Variants in BCAS3 observed in about 807,000 individuals in gnomAD.
BCAS3 encodes BCAS4/BCAS3 fusion.
In BCAS3, 53 loss-of-function variants were observed where a neutral mutation model predicts 116.1. The observed-to-expected ratio is 0.46, with a 90% CI of 0.37 to 0.57. The LOEUF is 0.57. Ranked by LOEUF, BCAS3 falls within the 20% of genes least tolerant of loss-of-function variation. BCAS3 has a pLI of 0.00. For missense variants in BCAS3, 917 were observed against 1,165.4 expected (o/e 0.79, Z 3.10); for synonymous variants, 391 against 408.2 (o/e 0.96, Z 0.51).
At chr17:61,312,907 T>TA (rs1453899050) in intron 22 of BCAS3, among the ~76,000 whole-genome samples, 1 of 152,244 alleles carries the variant, frequency 6.6e-6, no homozygotes, top group East Asian at 1.9e-4. Context: ...TAAGTGGGCA[T>TA]AACCGAAGAC....
chr17:61,340,341 G>A (rs2057050140), intron 22 of BCAS3, among the ~76,000 whole-genome samples: 1 of 147,938 alleles, frequency 6.8e-6, no homozygotes, highest in African/African-American at 2.5e-5. Flanking sequence ...CAGGGGGTGG[G>A]TGGATTCCAG....
chr17:61,091,405 T>C (rs1223234675), intron 22 of BCAS3, among the ~76,000 whole-genome samples: 1 of 152,146 alleles, frequency 6.6e-6, no homozygotes, highest in Non-Finnish European at 1.5e-5. Context: ...GGGGACAGAG[T>C]TGGGGGCACT....
chr17:60,976,055 G>A (rs1488235410), intron 14 of BCAS3, among the ~76,000 whole-genome samples: 19 of 105,376 alleles, frequency 1.8e-4, no homozygotes, highest in Non-Finnish European at 1.8e-5. Context: ...TTGAGATGGA[G>A]TCTTGCTCTG....
chr17:60,749,118 C>T (rs1359484825), intron 6 of BCAS3: 1 of 152,084 alleles, frequency 6.6e-6, no homozygotes, highest in Non-Finnish European at 1.5e-5. Flanking sequence ...AAGAGTAATA[C>T]CCACTTTTCT....
chr17:61,115,225 A>C (rs1487243931), intron 22 of BCAS3, among the ~76,000 whole-genome samples: 1 of 152,126 alleles, frequency 6.6e-6, no homozygotes, highest in African/African-American at 2.4e-5. Flanking sequence ...GCAACAAAAG[A>C]CAAAATTGAC....
At chr17:60,898,955 G>A (rs2057695277) in intron 10 of BCAS3, among the ~76,000 whole-genome samples, 1 of 152,102 alleles carries the variant, frequency 6.6e-6, no homozygotes, top group African/African-American at 2.4e-5. Flanking sequence ...AGACCCCCTG[G>A]AGGAGTGCTT....
In BCAS3 at chr17:61,007,366, C is replaced by T. The variant is rs2064788915; in HGVS notation, c.1487-8385C>T. On this transcript the variant is annotated intron_variant, in intron 15 of 23. Coordinates refer to ENST00000407086, the MANE Select transcript of BCAS3 (RefSeq NM_017679.5). This position sits in a 1 kb window ranked among gnomAD's most constrained non-coding sequence, Gnocchi z 4.3. ...AGAATTTTAGCAACAGGAATTATTT[C>T]TTTATGACTTTTAATTTTTAGGCAT... is the stretch of plus-strand genomic sequence containing the variant. Among the ~76,000 whole-genome samples the T allele has an allele frequency of 6.6e-6, 1 of 151,848 alleles. No homozygotes were observed.
At chr17:61,172,872 C>CA (rs993844542) in intron 22 of BCAS3, among the ~76,000 whole-genome samples, 1 of 148,606 alleles carries the variant, frequency 6.7e-6, no homozygotes, top group African/African-American at 2.5e-5. Context: ...CCTGTAGTCC[C>CA]AGCTACTTGG....
At position 61,084,400 on chromosome 17, in the gene BCAS3, G is replaced by A; in HGVS notation, c.2328-67G>A. On this transcript the variant is annotated intron_variant, in intron 21 of 23. Transcript: ENST00000407086. The surrounding 1 kb of genome is among the most constrained non-coding windows in gnomAD (Gnocchi z 5.5). ...GCTACTCCAGCATTCCTGATTTAAG[G>A]TCATTTGTAGCAAGTGACAGTTTTG... is the stretch of plus-strand genomic sequence containing the variant. The A allele has an allele frequency of 7.7e-7, 1 of 1,300,126 alleles. No homozygotes were observed. The highest frequency in any genetic ancestry group is 2.3e-5 in the East Asian group (1 of 42,814). The allele number at this position is 1,300,126 out of a possible 1,614,324, so 80.5% of individuals were successfully genotyped here. A position where few individuals can be genotyped will look rare whatever the true frequency, so the allele number is the denominator to read the frequency against.
intron 7 of BCAS3, among the ~76,000 whole-genome samples, chr17:60,860,471 C>A (rs1386257473): frequency 1.3e-5 from 2 of 152,128 alleles, no homozygotes; most frequent in East Asian, 3.8e-4. Context: ...TGTGCTGAAG[C>A]TCTTTAATTA....
intron 19 of BCAS3, among the ~76,000 whole-genome samples, chr17:61,072,306 T>A (rs887626370): frequency 1.3e-5 from 2 of 152,128 alleles, no homozygotes; most frequent in African/African-American, 4.8e-5. Flanking sequence ...ATAACAATGA[T>A]CAACTAATGA....
intron 22 of BCAS3, among the ~76,000 whole-genome samples, chr17:61,236,097 A>T (rs2083036288): frequency 6.6e-6 from 1 of 152,038 alleles, no homozygotes; most frequent in Admixed American, 6.6e-5. Flanking sequence ...AAAACCAGAG[A>T]TTTTTATCTC....
chr17:61,092,228 A>G (rs778941378), intron 22 of BCAS3, among the ~76,000 whole-genome samples: 1 of 152,200 alleles, frequency 6.6e-6, no homozygotes, highest in Non-Finnish European at 1.5e-5. Flanking sequence ...TCCATTCTTC[A>G]AATATACCAC....
chr17:61,315,146 C>T lies in BCAS3; in HGVS notation c.2426-53181C>T, dbSNP rs539820008. 2.0e-5 allele frequency among the ~76,000 whole-genome samples: 3 copies of T among 152,246 alleles called. No homozygotes were observed. Among genetic ancestry groups the T allele is most frequent in the Non-Finnish European group, 4.4e-5 (3 of 68,016 alleles). ...TTCTTTTTTTCGCGAGACAGATTCT[C>T]GCTCTGTCACCTAGGCTGGAGTGCA... is the stretch of plus-strand genomic sequence containing the variant. On this transcript the variant is annotated intron_variant, in intron 22 of 23. Coordinates refer to ENST00000407086, the MANE Select transcript of BCAS3 (RefSeq NM_017679.5). The surrounding 1 kb of genome is among the most constrained non-coding windows in gnomAD (Gnocchi z 5.3).
In BCAS3 at chr17:61,391,526, G is replaced by GA. The variant is rs1156820546; in HGVS notation, c.2594-450dup. 1.9e-5 allele frequency: 3 copies of GA among 161,502 alleles called. No individual in the cohort carries two copies. The highest frequency in any genetic ancestry group is 4.0e-5 in the Non-Finnish European group (3 of 74,576). 10.0% of individuals were successfully genotyped at this position (161,502 alleles called of 1,614,324 possible). A position where few individuals can be genotyped will look rare whatever the true frequency, so the allele number is the denominator to read the frequency against. On this transcript the variant is annotated intron_variant, in intron 23 of 23. Transcript: ENST00000407086. This position sits in a 1 kb window ranked among gnomAD's most constrained non-coding sequence, Gnocchi z 7.7. ...ACAGGCAGGGCAGGAGAGAGGTGGG[G>GA]ACAGATCAGGCAGGGATGCTGCAAG... is the stretch of plus-strand genomic sequence containing the variant.
intron 7 of BCAS3, among the ~76,000 whole-genome samples, chr17:60,862,802 T>G (rs1350139830): frequency 7.2e-5 from 11 of 151,920 alleles, no homozygotes. Context: ...TTAAAAAATA[T>G]TTTGGACACA....
Position 61,316,179 on chromosome 17 carries a change from G to A in BCAS3, c.2426-52148G>A, listed in dbSNP as rs191940262. 7.9e-4 allele frequency among the ~76,000 whole-genome samples: 121 copies of A among 152,212 alleles called. 1 individual carries two copies. The East Asian group carries it at 0.014, about 18-fold the overall frequency. On this transcript the variant is annotated intron_variant, in intron 22 of 23. Coordinates refer to ENST00000407086, the MANE Select transcript of BCAS3 (RefSeq NM_017679.5). The surrounding 1 kb of genome is among the most constrained non-coding windows in gnomAD (Gnocchi z 5.8). ...AAATTAGCCAGGCATGGTGGTGCAT[G>A]CCTGTGATCCCAGCTACTCAGGAGG...
At chr17:61,272,281 A>T (rs1464697278) in intron 22 of BCAS3, among the ~76,000 whole-genome samples, 3 of 152,170 alleles carry the variant, frequency 2.0e-5, no homozygotes, top group Non-Finnish European at 2.9e-5. Context: ...TTAATGAAAA[A>T]TACTAGGTTG....
At chr17:60,812,763 A>C (rs1181210183) in intron 7 of BCAS3, among the ~76,000 whole-genome samples, 1 of 152,108 alleles carries the variant, frequency 6.6e-6, no homozygotes, top group African/African-American at 2.4e-5. Context: ...TTTTAGAGAC[A>C]GAGTCTCCCT....
Sources: allele counts gnomAD v4.1 joint callset (sites outside exome capture counted in the v4.1 genomes callset), GRCh38; gene constraint gnomAD v4.1.1; non-coding constraint Gnocchi (gnomAD v3.1); transcripts MANE v1.5; gene names NCBI Gene and HGNC (gene_info 2026-07-23, HGNC 2026-07-21).